The following USP25 variants were observed in gnomAD, a reference collection of about 807,000 sequenced individuals.
USP25 encodes ubiquitin carboxyl-terminal hydrolase 25.
USP25 carries 85 observed loss-of-function variants against 158.5 expected under a neutral mutation model. The ratio of observed to expected loss-of-function variants is 0.54; its 90% CI spans 0.45 to 0.64. The LOEUF (loss-of-function observed/expected upper bound fraction) is 0.64. USP25 is among the 30% of genes least tolerant of loss of function. USP25 has a pLI of 0.00. For missense variants in USP25, 1,242 were observed against 1,327.3 expected (o/e 0.94, Z 1.00); for synonymous variants, 464 against 460.4 (o/e 1.01, Z -0.10).
intron 6 of USP25, among the ~76,000 whole-genome samples, chr21:15,800,284 A>G (rs778568132): frequency 3.3e-5 from 5 of 151,268 alleles, no homozygotes; most frequent in African/African-American, 4.8e-5. Context: ...AGTGACTGTC[A>G]TAGATGGGTA....
chr21:15,879,995 GA>G lies in USP25; in HGVS notation c.*1523del, dbSNP rs2040227675. ...GTTTTCCAGTCCTGTTAAAAGTTTAGAAACTTCATATGTGTCATCACAGCTT... is the reference window on the plus strand; with the variant it reads ...GTTTTCCAGTCCTGTTAAAAGTTTAGAACTTCATATGTGTCATCACAGCTT... On this transcript the variant is annotated 3_prime_UTR_variant, in exon 26 of 26. Transcript: ENST00000400183. 6.6e-6 allele frequency: 1 copy of G among 152,172 alleles called. No homozygotes were observed. Among genetic ancestry groups the G allele is most frequent in the Non-Finnish European group, 1.5e-5 (1 of 68,022 alleles). The allele number at this position is 152,172 out of a possible 1,614,324, so 9.4% of individuals were successfully genotyped here.
chr21:15,866,479 C>T (rs934378677), intron 22 of USP25, 135 bp downstream of exon 22: 3 of 473,302 alleles, frequency 6.3e-6, no homozygotes, highest in African/African-American at 6.0e-5. Flanking sequence ...CAAGTCAATG[C>T]TCAAGTAATT....
chr21:15,759,462 A>G (rs1398313991), intron 1 of USP25, among the ~76,000 whole-genome samples: 3 of 152,176 alleles, frequency 2.0e-5, no homozygotes, highest in Non-Finnish European at 4.4e-5. Context: ...ATATCAGTCA[A>G]TTCATGTAAG....
intron 1 of USP25, chr21:15,745,137 G>A (rs1429228433): frequency 6.6e-6 from 1 of 152,288 alleles, no homozygotes. Flanking sequence ...GGGGGAGGGA[G>A]GTGTGGGAGG....
At chr21:15,868,342 C>T (rs2039744074) in intron 22 of USP25, among the ~76,000 whole-genome samples, 1 of 152,146 alleles carries the variant, frequency 6.6e-6, no homozygotes, top group Admixed American at 6.5e-5. Flanking sequence ...CATCTTTTAG[C>T]TAATAATGAC....
At chr21:15,861,896 G>C (rs1222925709) in intron 20 of USP25, among the ~76,000 whole-genome samples, 3 of 152,076 alleles carry the variant, frequency 2.0e-5, no homozygotes, top group African/African-American at 7.2e-5. Flanking sequence ...CCTATATACT[G>C]AAAAATACTG....
intron 20 of USP25, among the ~76,000 whole-genome samples, chr21:15,857,437 T>A (rs2039207604): frequency 6.6e-6 from 1 of 152,182 alleles, no homozygotes; most frequent in Admixed American, 6.5e-5. Context: ...TTTATTCTAC[T>A]ATTGATATTT....
chr21:15,784,806 A>T (rs1405749768), intron 4 of USP25, among the ~76,000 whole-genome samples: 3 of 152,168 alleles, frequency 2.0e-5, no homozygotes, highest in Non-Finnish European at 4.4e-5. Context: ...CATTATAGAA[A>T]ACCACCAAAC....
intron 7 of USP25, 74 bp downstream of exon 7, chr21:15,805,332 AAT>A: frequency 7.4e-7 from 1 of 1,343,398 alleles, no homozygotes; most frequent in Non-Finnish European, 9.7e-7. Context: ...CTTTCCCAAG[AAT>A]ATGAGACTAT....
chr21:15,735,272 G>C (rs1157397300), intron 1 of USP25, among the ~76,000 whole-genome samples: 1 of 152,144 alleles, frequency 6.6e-6, no homozygotes, highest in Non-Finnish European at 1.5e-5. Context: ...GATTCAACCA[G>C]CTGTGGATTG....
chr21:15,763,654 A>G (rs915626058), intron 2 of USP25, among the ~76,000 whole-genome samples: 3 of 152,176 alleles, frequency 2.0e-5, no homozygotes, highest in Non-Finnish European at 4.4e-5. Flanking sequence ...AAAACAATAT[A>G]GCATTTTTGC....
intron 18 of USP25, among the ~76,000 whole-genome samples, chr21:15,842,818 TAAAAAG>T (rs1384003791): frequency 2.6e-5 from 4 of 152,188 alleles, no homozygotes; most frequent in Non-Finnish European, 5.9e-5. Flanking sequence ...ATCTGGAACT[TAAAAAG>T]AGAAGTGTAA....
chr21:15,788,965 A>G (rs190194967), intron 4 of USP25, among the ~76,000 whole-genome samples: 182 of 152,184 alleles, frequency 1.2e-3, no homozygotes, highest in African/African-American at 4.2e-3. Context: ...AGAAAGTTAT[A>G]TAGGAGTGCT....
intron 20 of USP25, among the ~76,000 whole-genome samples, chr21:15,856,140 C>G (rs1720452059): frequency 6.6e-6 from 1 of 152,126 alleles, no homozygotes; most frequent in Non-Finnish European, 1.5e-5. Flanking sequence ...GAGTTCCTAC[C>G]TTAATGAACC....
At chr21:15,837,925 G>A (rs1754869864) in intron 17 of USP25, among the ~76,000 whole-genome samples, 1 of 151,854 alleles carries the variant, frequency 6.6e-6, no homozygotes, top group African/African-American at 2.4e-5. Context: ...CTTGAAAGCA[G>A]GAACTAGGTG....
chr21:15,802,738 A>C (rs1417142897), intron 6 of USP25, among the ~76,000 whole-genome samples: 1 of 151,730 alleles, frequency 6.6e-6, no homozygotes, highest in African/African-American at 2.4e-5. Context: ...AGCAGCTTGC[A>C]TATCAAGACA....
At chr21:15,763,304 G>A (rs938540087) in intron 2 of USP25, among the ~76,000 whole-genome samples, 2 of 152,028 alleles carry the variant, frequency 1.3e-5, no homozygotes, top group African/African-American at 4.8e-5. Context: ...GTTCAAGGTG[G>A]GGTGTATTAG....
chr21:15,788,246 T>C (rs2035404844), intron 4 of USP25, among the ~76,000 whole-genome samples: 1 of 151,850 alleles, frequency 6.6e-6, no homozygotes, highest in African/African-American at 2.4e-5. Context: ...GCTTGGGTAG[T>C]ATCATTGGAA....
chr21:15,736,788 G>A (rs1389748440), intron 1 of USP25, among the ~76,000 whole-genome samples: 3 of 151,830 alleles, frequency 2.0e-5, no homozygotes, highest in Non-Finnish European at 2.9e-5. Flanking sequence ...TGTAATTCTA[G>A]GTGATGAATT....
Sources: allele counts gnomAD v4.1 joint callset (sites outside exome capture counted in the v4.1 genomes callset), GRCh38; gene constraint gnomAD v4.1.1; transcripts MANE v1.5; gene names NCBI Gene and HGNC (gene_info 2026-07-23, HGNC 2026-07-21).